The following RGS6 variants were observed in gnomAD, a reference collection of about 807,000 sequenced individuals.
RGS6 encodes the protein regulator of G-protein signaling 6.
A neutral mutation model predicts 78.5 loss-of-function variants in RGS6; 30 were observed. The ratio of observed to expected loss-of-function variants is 0.38; its 90% CI spans 0.29 to 0.52. The LOEUF (loss-of-function observed/expected upper bound fraction) is 0.52, where lower values mean the gene tolerates loss of function less well. Ranked by LOEUF, RGS6 falls within the 20% of genes least tolerant of loss-of-function variation. The pLI is 0.85. For synonymous variants in RGS6, 206 were observed against 206.0 expected (o/e 1.00, Z 0.00); for missense variants, 495 against 609.7 (o/e 0.81, Z 1.98).
chr14:72,484,239 T>C (rs2096444215), intron 12 of RGS6, among the ~76,000 whole-genome samples: 1 of 152,250 alleles, frequency 6.6e-6, no homozygotes, highest in Non-Finnish European at 1.5e-5. Flanking sequence ...TTGTACTGTA[T>C]TTCTAAAGTA....
chr14:72,039,281 C>T (rs969418583), intron 2 of RGS6, among the ~76,000 whole-genome samples: 3 of 152,036 alleles, frequency 2.0e-5, no homozygotes, highest in African/African-American at 7.2e-5. Flanking sequence ...TTGTCCTGTA[C>T]CCGCAAAGAT....
intron 2 of RGS6, among the ~76,000 whole-genome samples, chr14:72,094,865 A>G (rs776515829): frequency 6.6e-6 from 1 of 152,218 alleles, no homozygotes; most frequent in Admixed American, 6.5e-5. Flanking sequence ...TTCTGCCAGT[A>G]TATTCCAAAG....
At position 72,540,033 on chromosome 14, in the gene RGS6, T is replaced by C. The variant is rs775023807; in HGVS notation, c.1369-8T>C. ...TTTTCTCCCTACCCTTTTTTTTTTTTCCTAAAGCCAGAAAGTGAGCAAGGT... is the reference window on the plus strand; with the variant it reads ...TTTTCTCCCTACCCTTTTTTTTTTTCCCTAAAGCCAGAAAGTGAGCAAGGT... On this transcript the variant is annotated splice_region_variant and splice_polypyrimidine_tract_variant and intron_variant, in intron 16 of 17. Transcript: ENST00000553525. 7.7e-5 allele frequency: 121 copies of C among 1,563,516 alleles called. No individual in the cohort carries two copies. In the African/African-American group the frequency reaches 8.4e-4, roughly 11 times the overall value.
chr14:72,117,563 G>A (rs1000581518), intron 2 of RGS6, among the ~76,000 whole-genome samples: 6 of 152,032 alleles, frequency 3.9e-5, no homozygotes, highest in Non-Finnish European at 7.4e-5. Context: ...TAGATGACCC[G>A]GTCTCAGGAA....
At chr14:72,211,470 A>G (rs2044131091) in intron 2 of RGS6, among the ~76,000 whole-genome samples, 1 of 152,226 alleles carries the variant, frequency 6.6e-6, no homozygotes, top group Non-Finnish European at 1.5e-5. Context: ...CCTTCAGATT[A>G]GCTGTAAAGA....
At chr14:72,004,321 G>A (rs2153224229) in intron 2 of RGS6, among the ~76,000 whole-genome samples, 1 of 152,134 alleles carries the variant, frequency 6.6e-6, no homozygotes, top group East Asian at 1.9e-4. Flanking sequence ...GGCTGAGAGG[G>A]CACTTACAAA....
the RGS6 span, among the ~76,000 whole-genome samples, chr14:72,579,108 G>C: frequency 6.6e-6 from 1 of 151,556 alleles, no homozygotes; most frequent in Non-Finnish European, 1.5e-5. Flanking sequence ...GTCAGTCTCT[G>C]TCTCTCTCTC....
intron 2 of RGS6, chr14:71,990,817 CACTT>C: frequency 2.2e-6 from 1 of 456,060 alleles, no homozygotes; most frequent in Admixed American, 2.3e-5. Context: ...GAATCTTCCT[CACTT>C]ACCACAAACA....
rs149250912 is a variant in RGS6, at chr14:72,097,070, T to C, written c.84+132195T>C. Among the ~76,000 whole-genome samples, 925 of 152,344 alleles carry C rather than the reference T, an allele frequency of 6.1e-3. 6 individuals carry two copies. Among genetic ancestry groups the C allele is most frequent in the African/African-American group, 0.02 (834 of 41,574 alleles). Reference sequence around the variant, plus strand: ...GTGTCCTTTTCATGCCATTGGAAACTTGACAATAGTAATTGGGAGTGAGTT... The same window carrying C: ...GTGTCCTTTTCATGCCATTGGAAACCTGACAATAGTAATTGGGAGTGAGTT... On this transcript the variant is annotated intron_variant, in intron 2 of 17. Coordinates refer to ENST00000553525, the MANE Select transcript of RGS6 (RefSeq NM_001204424.2).
At chr14:71,990,285 A>G (rs1325872596) in intron 2 of RGS6, among the ~76,000 whole-genome samples, 1 of 152,200 alleles carries the variant, frequency 6.6e-6, no homozygotes, top group African/African-American at 2.4e-5. Flanking sequence ...GATGGGGACA[A>G]AAAATCCCAT....
chr14:71,913,467 A>G, the RGS6 span, among the ~76,000 whole-genome samples: 2 of 152,164 alleles, frequency 1.3e-5, no homozygotes, highest in African/African-American at 2.4e-5. Context: ...AGGTTAACAG[A>G]GGAAAGTGGG....
intron 2 of RGS6, among the ~76,000 whole-genome samples, chr14:72,021,464 CTTTTTTTTT>C (rs533727083): frequency 7.4e-5 from 9 of 122,394 alleles, no homozygotes; most frequent in African/African-American, 2.9e-4. Flanking sequence ...CTTTTTCTAA[CTTTTTTTTT>C]TTTTTTTTTT....
At chr14:71,970,738 C>T (rs2093750764) in intron 2 of RGS6, among the ~76,000 whole-genome samples, 1 of 152,138 alleles carries the variant, frequency 6.6e-6, no homozygotes, top group Non-Finnish European at 1.5e-5. Context: ...AAGATGAGAA[C>T]TGAGCCCTGA....
chr14:72,489,434 C>T (rs893745980), intron 12 of RGS6, among the ~76,000 whole-genome samples: 1 of 152,114 alleles, frequency 6.6e-6, no homozygotes, highest in African/African-American at 2.4e-5. Flanking sequence ...ATAGTGGAGC[C>T]CCAAAAGATA....
At chr14:72,491,048 T>G (rs2238177) in intron 12 of RGS6, among the ~76,000 whole-genome samples, 21,627 of 152,208 alleles carry the variant, frequency 0.14, 1,612 homozygotes, top group Admixed American at 0.19. Context: ...AGATGGCACC[T>G]CTGACTAATT....
chr14:72,229,478 T>G (rs144769526), intron 2 of RGS6, among the ~76,000 whole-genome samples: 2 of 152,296 alleles, frequency 1.3e-5, no homozygotes, highest in Non-Finnish European at 2.9e-5. Flanking sequence ...GTACCCTCCA[T>G]GTCCTCTTGT....
chr14:72,364,935 A>G (rs1418913616), intron 3 of RGS6, among the ~76,000 whole-genome samples: 1 of 152,238 alleles, frequency 6.6e-6, no homozygotes, highest in Admixed American at 6.5e-5. Flanking sequence ...CAACACAGTG[A>G]AAGTCAGAGA....
chr14:71,949,211 G>A (rs938094535), intron 1 of RGS6, among the ~76,000 whole-genome samples: 10 of 152,192 alleles, frequency 6.6e-5, no homozygotes, highest in Non-Finnish European at 1.0e-4. Context: ...GCCATGGGGT[G>A]TGCATATGTT....
At chr14:72,009,824 C>T (rs1006020936) in intron 2 of RGS6, among the ~76,000 whole-genome samples, 9 of 152,212 alleles carry the variant, frequency 5.9e-5, no homozygotes, top group African/African-American at 1.9e-4. Context: ...AGTTTAGTGT[C>T]TTGGAACATA....
Sources: allele counts gnomAD v4.1 joint callset (sites outside exome capture counted in the v4.1 genomes callset), GRCh38; gene constraint gnomAD v4.1.1; transcripts MANE v1.5; gene names NCBI Gene and HGNC (gene_info 2026-07-23, HGNC 2026-07-21).